PRELP: variants seen among roughly 807,000 people sequenced by gnomAD.
PRELP encodes proline and arginine rich end leucine rich repeat protein, also known as prolargin.
Under a neutral mutation model 22.8 loss-of-function variants are expected in PRELP, and 16 were observed. That is an observed-to-expected ratio of 0.70 (90% CI 0.47 to 1.06). The LOEUF is 1.06. Among genes scored for constraint, PRELP ranks in the 50% least tolerant of loss-of-function variants. The pLI is 0.00. For missense variants in PRELP, 434 were observed against 485.2 expected, an observed-to-expected ratio of 0.89 and a Z score of 0.99; for synonymous variants, 233 against 211.4, an observed-to-expected ratio of 1.10 and a Z score of -0.89.
At chr1:203,478,876 C>G (rs774587045) in intron 1 of PRELP, among the ~76,000 whole-genome samples, 38 of 152,176 alleles carry the variant, frequency 2.5e-4, no homozygotes, top group Non-Finnish European at 7.3e-5. Context: ...CTCAGGCTCA[C>G]TCCTCTACTA....
In PRELP at chr1:203,486,827, C is replaced by T. The variant is rs774507877; in HGVS notation, c.1095C>T (p.Pro365=). The part of the protein sequence containing the change: ...LRLDGNYLKP[P]IPLDLMMCFR... Reference sequence around the variant, plus strand: ...TGGATGGAAACTACTTGAAGCCGCCCATCCCGCTGGACCTCATGATGTGCT... The same window carrying T: ...TGGATGGAAACTACTTGAAGCCGCCTATCCCGCTGGACCTCATGATGTGCT... The change falls in exon 3 of 3, where the codon CCC becomes CCT. Residue 365 remains proline, a synonymous_variant. Coordinates refer to ENST00000343110, the MANE Select transcript of PRELP (RefSeq NM_002725.4). 2.5e-6 allele frequency: 4 copies of T among 1,614,200 alleles called. No homozygotes were observed. The South Asian group carries it at 3.3e-5, about 13-fold the overall frequency.
Position 203,487,092 on chromosome 1 carries a change from A to G in PRELP, c.*211A>G, listed in dbSNP as rs1035921690. 5.4e-6 allele frequency: 3 copies of G among 555,548 alleles called. No individual in the cohort carries two copies. The African/African-American group carries it at 5.7e-5, about 10-fold the overall frequency. The allele number at this position is 555,548 out of a possible 1,614,324, so 34.4% of individuals were successfully genotyped here. A position where few individuals can be genotyped will look rare whatever the true frequency, so the allele number is the denominator to read the frequency against. On this transcript the variant is annotated 3_prime_UTR_variant, in exon 3 of 3. Transcript: ENST00000343110. Reference sequence around the variant, plus strand: ...GTTTGGTTCCACCCAGTTGAAAGACACCCAGTGCACACCCAAACTCCTGGC... The same window carrying G: ...GTTTGGTTCCACCCAGTTGAAAGACGCCCAGTGCACACCCAAACTCCTGGC...
chr1:203,477,374 T>C (rs996675718), intron 1 of PRELP, among the ~76,000 whole-genome samples: 1 of 152,134 alleles, frequency 6.6e-6, no homozygotes, highest in South Asian at 2.1e-4. Flanking sequence ...GGCCACCTCT[T>C]TTTTGGGGAG....
chr1:203,479,324 G>T (rs1660959932), intron 1 of PRELP, among the ~76,000 whole-genome samples: 1 of 152,054 alleles, frequency 6.6e-6, no homozygotes, highest in Admixed American at 6.6e-5. Context: ...ACCCAACCCT[G>T]CCCTGAGCAG....
intron 1 of PRELP, among the ~76,000 whole-genome samples, chr1:203,477,873 C>G (rs1033969045): frequency 6.6e-6 from 1 of 152,204 alleles, no homozygotes; most frequent in African/African-American, 2.4e-5. Flanking sequence ...AACAAGCTTT[C>G]CCTAGGTGGC....
Position 203,483,807 on chromosome 1 carries a change from G to A in PRELP, c.623G>A (p.Ser208Asn). 2 of 1,614,164 alleles carry A rather than the reference G, an allele frequency of 1.2e-6. No homozygotes were observed. Among genetic ancestry groups the A allele is most frequent in the South Asian group, 1.1e-5 (1 of 91,082 alleles). Residue 208 changes from serine (S) to asparagine (N), a missense_variant, in exon 2 of 3, where the codon AGC becomes AAC. Coordinates refer to ENST00000343110, the MANE Select transcript of PRELP (RefSeq NM_002725.4). This position sits in a 1 kb window ranked among gnomAD's most constrained non-coding sequence, Gnocchi z 4.4. ...CTGGATCTCCAGCACAACAGGCTGAGCGACGGCGTCTTCAAGCCCGACACC... is the reference window on the plus strand; with the variant it reads ...CTGGATCTCCAGCACAACAGGCTGAACGACGGCGTCTTCAAGCCCGACACC... ...LLLDLQHNRL[S>N]DGVFKPDTFH... is the part of the protein sequence containing the mutation.
chr1:203,476,942 A>G (rs1391093963), intron 1 of PRELP, among the ~76,000 whole-genome samples: 1 of 71,284 alleles, frequency 1.4e-5, no homozygotes, highest in Admixed American at 1.3e-4. Context: ...GCAGAGGAGA[A>G]AAAAAAAAAA....
chr1:203,485,314 C>A (rs1661074729), intron 2 of PRELP, among the ~76,000 whole-genome samples: 1 of 152,100 alleles, frequency 6.6e-6, no homozygotes, highest in Non-Finnish European at 1.5e-5. Context: ...TAGGTCTCTA[C>A]CAGATTGTGG....
At chr1:203,484,189 G>T in intron 2 of PRELP, 32 bp downstream of exon 2, 1 of 1,592,978 alleles carries the variant, frequency 6.3e-7, no homozygotes, top group East Asian at 2.2e-5. Flanking sequence ...GGGGCCGAAG[G>T]CAAGGAGGTT....
chr1:203,485,465 G>T (rs1203878777), intron 2 of PRELP, among the ~76,000 whole-genome samples: 6 of 152,192 alleles, frequency 3.9e-5, no homozygotes, highest in Non-Finnish European at 7.3e-5. Context: ...GCCTAGGTCA[G>T]TGGGGTGATT....
chr1:203,480,204 G>A (rs149867005), intron 1 of PRELP, among the ~76,000 whole-genome samples: 1 of 152,382 alleles, frequency 6.6e-6, no homozygotes, highest in African/African-American at 2.4e-5. Flanking sequence ...AGCTTTTCCA[G>A]AACTGATGGT....
At chr1:203,476,664 TGG>T (rs1279309823) in intron 1 of PRELP, among the ~76,000 whole-genome samples, 2 of 152,120 alleles carry the variant, frequency 1.3e-5, no homozygotes, top group Non-Finnish European at 2.9e-5. Context: ...AGGGCTTCAC[TGG>T]GTAGGAGGGA....
chr1:203,483,779 C>T lies in PRELP; in HGVS notation c.595C>T (p.Leu199Phe). Residue 199 changes from leucine to phenylalanine, a missense_variant, in exon 2 of 3, where the codon CTC becomes TTC. By Grantham distance (22) the Leu-to-Phe change is conservative. Coordinates refer to ENST00000343110, the MANE Select transcript of PRELP (RefSeq NM_002725.4). This position sits in a 1 kb window ranked among gnomAD's most constrained non-coding sequence, Gnocchi z 4.4. The stretch of plus-strand genomic sequence containing the variant: ...CTTCAGCAAGCTGGAGAACCTGCTG[C>T]TCCTGGATCTCCAGCACAACAGGCT... Reference protein sequence around the residue: ...GVFSKLENLLLLDLQHNRLSD... With the variant: ...GVFSKLENLLFLDLQHNRLSD... 1 of 1,614,222 alleles carries T rather than the reference C, an allele frequency of 6.2e-7. No homozygotes were observed. The highest frequency in any genetic ancestry group is 8.5e-7 in the Non-Finnish European group (1 of 1,180,036).
At position 203,482,591 on chromosome 1, in the gene PRELP, C is replaced by CTTTTTTTTTTTTTTT. The variant is rs58787817; in HGVS notation, c.-16-568_-16-554dup. 7.8e-5 allele frequency among the ~76,000 whole-genome samples: 4 copies of CTTTTTTTTTTTTTTT among 51,078 alleles called. 1 individual carries two copies. The highest frequency in any genetic ancestry group is 1.3e-4 in the Non-Finnish European group (4 of 30,242). 33.5% of individuals were successfully genotyped at this position (51,078 alleles called of 152,430 possible). A position where few individuals can be genotyped will look rare whatever the true frequency, so the allele number is the denominator to read the frequency against. On this transcript the variant is annotated intron_variant, in intron 1 of 2. Transcript: ENST00000343110. ...CACTGTCCCACCAGCCCCAATGTGC[C>CTTTTTTTTTTTTTTT]TTTTTTTTTTTTTTTTTTTTTTTTG...
At chr1:203,478,603 A>G (rs1660949558) in intron 1 of PRELP, among the ~76,000 whole-genome samples, 1 of 152,182 alleles carries the variant, frequency 6.6e-6, no homozygotes. Context: ...ATATAGGTAT[A>G]GGGAAGATTT....
At chr1:203,478,253 A>T (rs1660944867) in intron 1 of PRELP, among the ~76,000 whole-genome samples, 1 of 152,174 alleles carries the variant, frequency 6.6e-6, no homozygotes, top group South Asian at 2.1e-4. Flanking sequence ...TGGGTCTCAG[A>T]TCTATAATCA....
At chr1:203,477,566 C>T (rs1047962251) in intron 1 of PRELP, among the ~76,000 whole-genome samples, 1 of 152,100 alleles carries the variant, frequency 6.6e-6, no homozygotes, top group Non-Finnish European at 1.5e-5. Flanking sequence ...TGGGCCCTTC[C>T]CCTGACCCTT....
chr1:203,479,202 C>A (rs1660958490), intron 1 of PRELP, among the ~76,000 whole-genome samples: 1 of 152,086 alleles, frequency 6.6e-6, no homozygotes, highest in Admixed American at 6.6e-5. Context: ...CCCTGCCTAG[C>A]CCTGGGAGAC....
rs146741911 is a variant in PRELP, at chr1:203,483,862, C to T, written c.678C>T (p.Leu226=). The T allele has an allele frequency of 6.2e-7, 1 of 1,614,218 alleles. No homozygotes were observed. The highest frequency in any genetic ancestry group is 8.5e-7 in the Non-Finnish European group (1 of 1,180,030). ...TFHGLKNLMQ[L]NLAHNILRKM... is the part of the protein sequence containing the mutation. ...ATGGCCTCAAGAACCTCATGCAGCT[C>T]AACCTGGCCCACAACATCCTGAGAA... Residue 226 remains leucine (L), a synonymous_variant, in exon 2 of 3, where the codon CTC becomes CTT. Transcript: ENST00000343110. The surrounding 1 kb of genome is among the most constrained non-coding windows in gnomAD (Gnocchi z 4.4).
Sources: allele counts gnomAD v4.1 joint callset (sites outside exome capture counted in the v4.1 genomes callset), GRCh38; gene constraint gnomAD v4.1.1; non-coding constraint Gnocchi (gnomAD v3.1); transcripts MANE v1.5; gene names NCBI Gene and HGNC (gene_info 2026-07-23, HGNC 2026-07-21).